The following MYO15B variants were observed in gnomAD, a reference collection of about 807,000 sequenced individuals.
MYO15B encodes myosin XVB pseudogene.
A neutral mutation model predicts 119.3 loss-of-function variants in MYO15B; 207 were observed. The ratio of observed to expected loss-of-function variants is 1.73; its 90% CI spans 1.55 to 1.95. The LOEUF is 1.95. Among genes scored for constraint, MYO15B ranks in the 30% most tolerant of loss-of-function variants. MYO15B has a pLI of 0.00. For synonymous variants in MYO15B, 966 were observed against 498.9 expected, an observed-to-expected ratio of 1.94 and a Z score of -12.48; for missense variants, 2,264 against 1,203.1, an observed-to-expected ratio of 1.88 and a Z score of -13.04.
exon 59 of MYO15B, chr17:75,624,823 G>T (rs1021552069): frequency 1.6e-5 from 11 of 702,884 alleles, no homozygotes; most frequent in Non-Finnish European, 2.9e-5. Context: ...GCGTGGTAGT[G>T]GACCAGGACG....
At chr17:75,603,387 G>T in intron 19 of MYO15B, 75 bp downstream of exon 19, 1 of 680,080 alleles carries the variant, frequency 1.5e-6, no homozygotes, top group South Asian at 1.6e-5. Flanking sequence ...GGGTCCTTCT[G>T]ATTGGAGATG....
In MYO15B at chr17:75,626,124, C is replaced by A. The variant is rs748599695; in HGVS notation, c.9109C>A (p.Arg3037=). 7 of 702,958 alleles carry A rather than the reference C, an allele frequency of 1.0e-5. No individual in the cohort carries two copies. In the South Asian group the frequency reaches 1.0e-4, roughly 10 times the overall value. 43.5% of individuals were successfully genotyped at this position (702,958 alleles called of 1,614,324 possible). Residue 3037 remains arginine (R), a synonymous_variant, in exon 63 of 64, where the codon CGG becomes AGG. Transcript: ENST00000645453. ...CCGCATTGCCCTGAAGAGCCTGCAG[C>A]GGCTCCACCTGCTAAGCCCTCTGGA... is the stretch of plus-strand genomic sequence containing the variant.
chr17:75,592,367 G>A, intron 7 of MYO15B, 61 bp from the exon 8 acceptor site: 1 of 697,872 alleles, frequency 1.4e-6, no homozygotes, highest in Non-Finnish European at 2.6e-6. Context: ...GGGTGTCACT[G>A]TCGGGGTGTG....
intron 43 of MYO15B, among the ~76,000 whole-genome samples, chr17:75,618,922 G>A (rs146530845): frequency 0.017 from 2,544 of 152,324 alleles, 32 homozygotes; most frequent in South Asian, 0.033. Context: ...AGGGAGGGCT[G>A]GCAGTTGCAG....
chr17:75,593,613 CAGAAAAAA>C (rs1307232064), intron 9 of MYO15B, among the ~76,000 whole-genome samples: 2 of 142,976 alleles, frequency 1.4e-5, no homozygotes, highest in African/African-American at 5.2e-5. Context: ...GACTCCGTCT[CAGAAAAAA>C]AAAAAAAAAC....
At chr17:75,615,321 C>T (rs2058299612) in exon 34 of MYO15B, 2 of 702,492 alleles carry the variant, frequency 2.8e-6, no homozygotes, top group Non-Finnish European at 5.2e-6. Context: ...GCAATGGGCA[C>T]AGTCCCTGCC....
exon 61 of MYO15B, chr17:75,625,613 G>A: frequency 1.4e-6 from 1 of 703,068 alleles, no homozygotes; most frequent in Non-Finnish European, 2.6e-6. Flanking sequence ...CAGGAGCTGA[G>A]ACGGCTGGAA....
Position 75,589,814 on chromosome 17 carries a change from G to C in MYO15B, c.1757G>C (p.Ser586Thr). The change falls in exon 1 of 64, where the codon AGT becomes ACT. Residue 586 changes from serine to threonine, a missense_variant. By Grantham distance (58) the Ser-to-Thr change is moderately conservative (BLOSUM62 1). Coordinates refer to ENST00000645453, the Ensembl canonical transcript of MYO15B. The surrounding 1 kb of genome is among the most constrained non-coding windows in gnomAD (Gnocchi z 4.2). ...CCTCGTGCAGGGGTGGGGGGGCACA[G>C]TGAGGGGTGCAGGACGAGTGGGGAA... The C allele has an allele frequency of 2.5e-6, 1 of 398,582 alleles. No homozygotes were observed. Among genetic ancestry groups the C allele is most frequent in the Non-Finnish European group, 4.4e-6 (1 of 225,974 alleles). The allele number at this position is 398,582 out of a possible 1,614,324, so 24.7% of individuals were successfully genotyped here. A position where few individuals can be genotyped will look rare whatever the true frequency, so the allele number is the denominator to read the frequency against.
intron 49 of MYO15B, 90 bp downstream of exon 49, chr17:75,620,726 C>T (rs141937617): frequency 2.1e-4 from 148 of 692,076 alleles, no homozygotes; most frequent in African/African-American, 1.5e-3. Flanking sequence ...GGCTGCCATG[C>T]GGTGGGACCA....
chr17:75,588,279 C>A (rs1275939267), exon 1 of MYO15B: 4 of 398,176 alleles, frequency 1.0e-5, no homozygotes, highest in Admixed American at 8.8e-5. Context: ...CAGAGGGGAA[C>A]GGCGGCTGCA....
intron 21 of MYO15B, among the ~76,000 whole-genome samples, chr17:75,606,595 T>C (rs2057669210): frequency 6.6e-6 from 1 of 152,124 alleles, no homozygotes; most frequent in Non-Finnish European, 1.5e-5. Flanking sequence ...TGCCTCAGCC[T>C]CCTGAGTAGC....
rs866753097 is a variant in MYO15B, at chr17:75,617,404, C to T, written c.6814+100C>T. On this transcript the variant is annotated intron_variant, in intron 41 of 63. Transcript: ENST00000645453. Reference sequence around the variant, plus strand: ...CAGGGCTGAAGGCATTTCTGCGTGGCTGAGGCCAGCTGTTCGGGCTTCTGG... The same window carrying T: ...CAGGGCTGAAGGCATTTCTGCGTGGTTGAGGCCAGCTGTTCGGGCTTCTGG... 8 of 569,868 alleles carry T rather than the reference C, an allele frequency of 1.4e-5. No individual in the cohort carries two copies. In the African/African-American group the frequency reaches 1.5e-4, roughly 11 times the overall value. 35.3% of individuals were successfully genotyped at this position (569,868 alleles called of 1,614,324 possible). A position where few individuals can be genotyped will look rare whatever the true frequency, so the allele number is the denominator to read the frequency against.
At chr17:75,614,464 C>T in intron 30 of MYO15B, 104 bp downstream of exon 30, 1 of 663,642 alleles carries the variant, frequency 1.5e-6, no homozygotes, top group Non-Finnish European at 2.7e-6. Flanking sequence ...CAGGCCCAGC[C>T]CTCCCACCCA....
In MYO15B at chr17:75,594,984, G is replaced by A. The variant is rs1169143984; in HGVS notation, c.3297+12G>A. 1 of 702,782 alleles carries A rather than the reference G, an allele frequency of 1.4e-6. No homozygotes were observed. The highest frequency in any genetic ancestry group is 2.0e-5 in the Admixed American group (1 of 49,978). The allele number at this position is 702,782 out of a possible 1,614,324, so 43.5% of individuals were successfully genotyped here. On this transcript the variant is annotated intron_variant, in intron 12 of 63. Transcript: ENST00000645453. The stretch of plus-strand genomic sequence containing the variant: ...CCTACGGCTTTGAGGTCACCCCTTG[G>A]GGTGGGGCCCAGGAAAGGGGGCACC...
At position 75,614,693 on chromosome 17, in the gene MYO15B, G is replaced by C. The variant is rs934720686; in HGVS notation, c.5482+10G>C. ...AGCAGGGACCACACAGGTAAGGCTG[G>C]AGTGGGCACATGGAGGTTGGCAGAG... On this transcript the variant is annotated intron_variant, in intron 31 of 63. Coordinates refer to ENST00000645453, the Ensembl canonical transcript of MYO15B. 1 of 702,388 alleles carries C rather than the reference G, an allele frequency of 1.4e-6. No homozygotes were observed. The highest frequency in any genetic ancestry group is 2.6e-6 in the Non-Finnish European group (1 of 384,914). 43.5% of individuals were successfully genotyped at this position (702,388 alleles called of 1,614,324 possible).
intron 9 of MYO15B, among the ~76,000 whole-genome samples, chr17:75,594,208 G>A (rs573184362): frequency 1.1e-4 from 17 of 150,606 alleles, no homozygotes; most frequent in Non-Finnish European, 2.2e-4. Flanking sequence ...CCTAGGAAGG[G>A]TTACTGCTTC....
intron 55 of MYO15B, 39 bp from the exon 56 acceptor site, chr17:75,624,136 A>T (rs1273654428): frequency 1.4e-6 from 1 of 702,646 alleles, no homozygotes; most frequent in Admixed American, 2.0e-5. Context: ...GCTTGGGGAG[A>T]CATGGCCATC....
rs1005229615 is a variant in MYO15B, at chr17:75,589,801, G to T, written c.1744G>T (p.Val582Leu). ...AGGCCGAGGTTGGCCTCGTGCAGGG[G>T]TGGGGGGGCACAGTGAGGGGTGCAG... Residue 582 changes from valine to leucine, a missense_variant, in exon 1 of 64, where the codon GTG becomes TTG. Physicochemically the swap from Val to Leu is conservative, Grantham distance 32. Transcript: ENST00000645453. The surrounding 1 kb of genome is among the most constrained non-coding windows in gnomAD (Gnocchi z 4.2). 3 of 398,478 alleles carry T rather than the reference G, an allele frequency of 7.5e-6. No homozygotes were observed. The highest frequency in any genetic ancestry group is 8.8e-5 in the Admixed American group (2 of 22,718). 24.7% of individuals were successfully genotyped at this position (398,478 alleles called of 1,614,324 possible).
rs2056405467 is a variant in MYO15B at position 75,591,005 on chromosome 17, C to T, written c.2349C>T (p.Leu783=). Residue 783 remains leucine (L), a synonymous_variant, in exon 3 of 64, where the codon CTC becomes CTT. Coordinates refer to ENST00000645453, the Ensembl canonical transcript of MYO15B. Reference sequence around the variant, plus strand: ...CAAGCTACCACCCCAGGAAGGCCCTCAGCACCACTCCGTATGTGACTCTGC... The same window carrying T: ...CAAGCTACCACCCCAGGAAGGCCCTTAGCACCACTCCGTATGTGACTCTGC... 3 of 602,060 alleles carry T rather than the reference C, an allele frequency of 5.0e-6. No individual in the cohort carries two copies. In the South Asian group the frequency reaches 5.8e-5, roughly 12 times the overall value. The allele number at this position is 602,060 out of a possible 1,614,324, so 37.3% of individuals were successfully genotyped here. A position where few individuals can be genotyped will look rare whatever the true frequency, so the allele number is the denominator to read the frequency against.
Sources: gnomAD v4.1 joint callset for allele counts (sites outside exome capture counted in the v4.1 genomes callset) on GRCh38, gnomAD v4.1.1 for gene constraint, Gnocchi (gnomAD v3.1) non-coding constraint, MANE v1.5 for transcripts, NCBI Gene and HGNC (gene_info 2026-07-23, HGNC 2026-07-21) for gene names.